Variants in SMARCAD1 observed in about 807,000 individuals in gnomAD.
SMARCAD1 encodes the protein SNF2 related chromatin remodeling ATPase with DExD box 1, also known as SWI/SNF-related matrix-associated actin-dependent regulator of chromatin subfamily A containing DEAD/H box 1.
A neutral mutation model predicts 127.1 loss-of-function variants in SMARCAD1; 25 were observed. That is an observed-to-expected ratio of 0.20 (90% CI 0.14 to 0.27). SMARCAD1 has a LOEUF of 0.27. Among genes scored for constraint, SMARCAD1 ranks in the 10% least tolerant of loss-of-function variants. The pLI is 1.00. For missense variants in SMARCAD1, 807 were observed against 1,206.0 expected, an observed-to-expected ratio of 0.67 and a Z score of 4.90; for synonymous variants, 400 against 396.9, an observed-to-expected ratio of 1.01 and a Z score of -0.09.
At chr4:94,214,116 A>G (rs958982515) in intron 2 of SMARCAD1, among the ~76,000 whole-genome samples, 1 of 152,196 alleles carries the variant, frequency 6.6e-6, no homozygotes, top group Non-Finnish European at 1.5e-5. Context: ...TGGAATTAAA[A>G]GTAACTACTA....
chr4:94,280,021 C>G (rs532486595), intron 19 of SMARCAD1, among the ~76,000 whole-genome samples: 1 of 151,942 alleles, frequency 6.6e-6, no homozygotes, highest in South Asian at 2.1e-4. Context: ...CCTACCACTA[C>G]GCCCAGCTAA....
chr4:94,264,500 A>G (rs545148202), intron 9 of SMARCAD1: 16 of 473,704 alleles, frequency 3.4e-5, no homozygotes, highest in Non-Finnish European at 5.2e-5. Flanking sequence ...TAACATAATG[A>G]GTTTGATGTG....
intron 9 of SMARCAD1, 32 bp downstream of exon 9, chr4:94,253,039 G>T: frequency 1.2e-6 from 2 of 1,603,898 alleles, no homozygotes; most frequent in Non-Finnish European, 1.7e-6. Flanking sequence ...CCCCTTGTAT[G>T]TGTGTGTGTA....
chr4:94,239,375 TA>T (rs5860359), intron 5 of SMARCAD1, among the ~76,000 whole-genome samples: 150,946 of 152,270 alleles, frequency 0.99, 74,826 homozygotes, highest in East Asian at 1. Context: ...ATTGCAGTCT[TA>T]ACAGACAGTA....
intron 9 of SMARCAD1, among the ~76,000 whole-genome samples, chr4:94,254,919 A>C (rs1416582419): frequency 6.6e-6 from 1 of 152,006 alleles, no homozygotes; most frequent in African/African-American, 2.4e-5. Flanking sequence ...TTTTAGCCCA[A>C]ACCCTACCCT....
chr4:94,207,834 C>G, upstream of SMARCAD1: 1 of 327,736 alleles, frequency 3.1e-6, no homozygotes, highest in South Asian at 2.6e-5. Flanking sequence ...GTTCTTAATC[C>G]TATCAGCTTC....
intron 9 of SMARCAD1, among the ~76,000 whole-genome samples, chr4:94,261,984 C>G (rs563911552): frequency 6.6e-6 from 1 of 152,270 alleles, no homozygotes; most frequent in East Asian, 1.9e-4. Context: ...TTCTCTGATA[C>G]CACATCCTAC....
At chr4:94,229,676 T>C (rs995021303) in intron 3 of SMARCAD1, among the ~76,000 whole-genome samples, 1 of 152,266 alleles carries the variant, frequency 6.6e-6, no homozygotes, top group Non-Finnish European at 1.5e-5. Flanking sequence ...TCTGTGTTCT[T>C]TCTTTGCTGC....
chr4:94,261,973 C>T (rs1751057819), intron 9 of SMARCAD1, among the ~76,000 whole-genome samples: 1 of 152,168 alleles, frequency 6.6e-6, no homozygotes, highest in Non-Finnish European at 1.5e-5. Flanking sequence ...TCTTCCTTGG[C>T]TTCTCTGATA....
intron 16 of SMARCAD1, among the ~76,000 whole-genome samples, chr4:94,277,978 A>G (rs1488408848): frequency 4.6e-5 from 7 of 152,196 alleles, no homozygotes. Context: ...ACTAAGCACT[A>G]TTCCCCATTT....
chr4:94,282,214 A>T (rs1754191108), intron 21 of SMARCAD1, among the ~76,000 whole-genome samples: 1 of 82,560 alleles, frequency 1.2e-5, no homozygotes, highest in Non-Finnish European at 2.6e-5. Flanking sequence ...ATTCTGCCTC[A>T]GCCTCCCGAG....
chr4:94,283,300 CTAAG>C lies in SMARCAD1; in HGVS notation c.2909+3_2909+6del. 1.2e-6 allele frequency: 2 copies of C among 1,612,306 alleles called. No individual in the cohort carries two copies. The highest frequency in any genetic ancestry group is 1.7e-6 in the Non-Finnish European group (2 of 1,179,548). ...GATAGATGCCATAGAGTAGGCCAGA[CTAAG>C]TAAGTGTTTTTAGTTGGAATGTATT... On this transcript the variant is annotated splice_donor_variant and coding_sequence_variant, in exon 22 of 24. Coordinates refer to ENST00000354268, the MANE Select transcript of SMARCAD1 (RefSeq NM_020159.5). LOFTEE classifies it high-confidence loss of function.
At chr4:94,217,913 C>G (rs574321915) in intron 2 of SMARCAD1, among the ~76,000 whole-genome samples, 12 of 152,280 alleles carry the variant, frequency 7.9e-5, no homozygotes, top group African/African-American at 2.9e-4. Context: ...CATTTTCTTT[C>G]AGTTACACTT....
At chr4:94,232,188 A>G (rs1379002881) in intron 3 of SMARCAD1, among the ~76,000 whole-genome samples, 1 of 150,290 alleles carries the variant, frequency 6.7e-6, no homozygotes, top group Non-Finnish European at 1.5e-5. Flanking sequence ...TCATGACATT[A>G]TTTATTTTCT....
intron 23 of SMARCAD1, among the ~76,000 whole-genome samples, chr4:94,287,078 A>G (rs1010688735): frequency 2.6e-5 from 4 of 152,104 alleles, no homozygotes; most frequent in Admixed American, 6.5e-5. Flanking sequence ...ATTAGCCAGG[A>G]TGGTCTTGAT....
intron 5 of SMARCAD1, among the ~76,000 whole-genome samples, chr4:94,240,504 A>G (rs1747411841): frequency 6.6e-6 from 1 of 152,226 alleles, no homozygotes; most frequent in Non-Finnish European, 1.5e-5. Flanking sequence ...GGCCTGGTAC[A>G]TAGTAGACTC....
chr4:94,242,463 T>C (rs1020798292), intron 6 of SMARCAD1, among the ~76,000 whole-genome samples: 5 of 152,176 alleles, frequency 3.3e-5, no homozygotes, highest in Non-Finnish European at 4.4e-5. Flanking sequence ...ATTGCTGATC[T>C]CTACCTCTGG....
chr4:94,261,759 G>A (rs1416032880), intron 9 of SMARCAD1, among the ~76,000 whole-genome samples: 1 of 152,070 alleles, frequency 6.6e-6, no homozygotes, highest in East Asian at 1.9e-4. Context: ...ACAGGCACGT[G>A]CCACCACACC....
chr4:94,261,149 AAAAG>A (rs1750914484), intron 9 of SMARCAD1, among the ~76,000 whole-genome samples: 3 of 152,232 alleles, frequency 2.0e-5, no homozygotes, highest in Admixed American at 1.3e-4. Context: ...GTGAAAAAAA[AAAAG>A]AAACCTGTAA....
Sources: gnomAD v4.1 joint callset for allele counts (sites outside exome capture counted in the v4.1 genomes callset) on GRCh38, gnomAD v4.1.1 for gene constraint, MANE v1.5 for transcripts, NCBI Gene and HGNC (gene_info 2026-07-23, HGNC 2026-07-21) for gene names.